ALDH1A2: variants seen among roughly 807,000 people sequenced by gnomAD.
The protein encoded by ALDH1A2 is aldehyde dehydrogenase 1 family member A2.
In ALDH1A2, 27 loss-of-function variants were observed where a neutral mutation model predicts 60.3. The observed-to-expected ratio is 0.45, with a 90% CI of 0.33 to 0.62. The LOEUF (loss-of-function observed/expected upper bound fraction) is 0.62, where lower values mean the gene tolerates loss of function less well. Ranked by LOEUF, ALDH1A2 falls within the 20% of genes least tolerant of loss-of-function variation. ALDH1A2 has a pLI of 0.02. For missense variants in ALDH1A2, 581 were observed against 643.8 expected (o/e 0.90, Z 1.06); for synonymous variants, 289 against 232.4 (o/e 1.24, Z -2.21).
In ALDH1A2 at chr15:57,955,243, G is replaced by C. The variant is rs780804734; in HGVS notation, c.1511C>G (p.Ser504Ter). ...EMGEFGLREY[S>*]EVKTVTVKIP... is the part of the protein sequence containing the mutation. Reference sequence around the variant, plus strand: ...CTTTACTGTCACCGTCTTAACTTCTGAGTACTCCCGCAAGCCAAATTCTCC... The same window carrying C: ...CTTTACTGTCACCGTCTTAACTTCTCAGTACTCCCGCAAGCCAAATTCTCC... Residue 504 changes from serine (S) to a stop codon, truncating the protein, a stop_gained, in exon 13 of 13, where the codon TCA becomes TGA. Transcript: ENST00000249750. LOFTEE classifies it high-confidence loss of function. The C allele has an allele frequency of 6.2e-7, 1 of 1,614,056 alleles. No individual in the cohort carries two copies. Among genetic ancestry groups the C allele is most frequent in the Admixed American group, 1.7e-5 (1 of 60,018 alleles).
At chr15:57,963,291 T>C (rs1893787468) in intron 9 of ALDH1A2, among the ~76,000 whole-genome samples, 1 of 152,026 alleles carries the variant, frequency 6.6e-6, no homozygotes, top group Non-Finnish European at 1.5e-5. Flanking sequence ...CTTGTCATAC[T>C]CATGGCTTTC....
At chr15:57,994,110 G>A (rs1397553222) in intron 5 of ALDH1A2, among the ~76,000 whole-genome samples, 2 of 152,166 alleles carry the variant, frequency 1.3e-5, no homozygotes, top group African/African-American at 4.8e-5. Context: ...TTGAGAGTCT[G>A]GGCAAGGGCA....
intron 9 of ALDH1A2, among the ~76,000 whole-genome samples, chr15:57,963,598 C>A (rs1325204390): frequency 6.6e-6 from 1 of 152,106 alleles, no homozygotes; most frequent in Non-Finnish European, 1.5e-5. Context: ...CCGCCTCGGC[C>A]TCCCTAAAAG....
intron 5 of ALDH1A2, among the ~76,000 whole-genome samples, chr15:57,994,465 T>G (rs1894988234): frequency 6.6e-6 from 1 of 152,184 alleles, no homozygotes; most frequent in Non-Finnish European, 1.5e-5. Flanking sequence ...AAAGCTATGG[T>G]CATGTTTTGT....
intron 7 of ALDH1A2, among the ~76,000 whole-genome samples, chr15:57,976,670 G>A (rs1894269491): frequency 6.6e-6 from 1 of 152,114 alleles, no homozygotes; most frequent in Admixed American, 6.6e-5. Context: ...ATCATCGATG[G>A]GCATCTGGGT....
rs201613405 is a variant in ALDH1A2, at chr15:58,053,063, T to A, written c.117+12471A>T. ...ACGAAGATGTATGGACCACACTCTG[T>A]GTCAAGGCAGCCATGATACCGGCTC... On this transcript the variant is annotated intron_variant, in intron 1 of 12. Coordinates refer to ENST00000249750, the MANE Select transcript of ALDH1A2 (RefSeq NM_003888.4). 5.3e-5 allele frequency among the ~76,000 whole-genome samples: 8 copies of A among 152,262 alleles called. No individual in the cohort carries two copies. In the East Asian group the frequency reaches 1.4e-3, roughly 26 times the overall value.
rs1894857837 is a variant in ALDH1A2, at chr15:57,990,529, A to T, written c.798+2176T>A. On this transcript the variant is annotated intron_variant, in intron 7 of 12. Transcript: ENST00000249750. ...TGCCGGAGATGTAGGTACTAACATG[A>T]CAAGGTGTTATCTCTTGTTTGACAT... is the stretch of plus-strand genomic sequence containing the variant. The T allele has an allele frequency of 2.0e-5, 3 of 152,224 alleles. No homozygotes were observed. In the South Asian group the frequency reaches 6.2e-4, roughly 32 times the overall value. The allele number at this position is 152,224 out of a possible 1,614,324, so 9.4% of individuals were successfully genotyped here.
intron 1 of ALDH1A2, among the ~76,000 whole-genome samples, chr15:58,031,115 G>A (rs1283416997): frequency 5.3e-5 from 8 of 150,910 alleles, no homozygotes; most frequent in African/African-American, 1.9e-4. Flanking sequence ...CATGCTACCT[G>A]ACTTCAAGGC....
rs375988934 is a variant in ALDH1A2, at chr15:57,961,183, T to C, written c.1363A>G (p.Asn455Asp). 6.2e-6 allele frequency: 10 copies of C among 1,614,058 alleles called. No homozygotes were observed. The African/African-American group carries it at 1.3e-4, about 22-fold the overall frequency. Residue 455 changes from asparagine to aspartate, a missense_variant, in exon 11 of 13, where the codon AAC becomes GAC. Coordinates refer to ENST00000249750, the MANE Select transcript of ALDH1A2 (RefSeq NM_003888.4). ...LVAAVFTNDI[N>D]KALTVSSAMQ... ...GCAGAAGACACTGTGAGGGCCTTGT[T>C]GATGTCATTAGTAAAGACAGCTGCT...
intron 12 of ALDH1A2, among the ~76,000 whole-genome samples, chr15:57,955,688 T>C (rs1422875500): frequency 6.6e-6 from 1 of 152,086 alleles, no homozygotes; most frequent in African/African-American, 2.4e-5. Context: ...GCCTTGGCCA[T>C]GCCTCTCTCC....
At chr15:58,034,004 AGTTT>A (rs1438647987) in intron 1 of ALDH1A2, among the ~76,000 whole-genome samples, 1 of 151,590 alleles carries the variant, frequency 6.6e-6, no homozygotes, top group African/African-American at 2.4e-5. Flanking sequence ...CTTTATAATT[AGTTT>A]GTTAATATCT....
intron 4 of ALDH1A2, among the ~76,000 whole-genome samples, chr15:58,003,334 C>T (rs1895338773): frequency 1.3e-5 from 2 of 151,834 alleles, no homozygotes; most frequent in African/African-American, 4.8e-5. Flanking sequence ...AAGAATACTT[C>T]AGATTTCACC....
intron 7 of ALDH1A2, among the ~76,000 whole-genome samples, chr15:57,968,013 T>C (rs927889669): frequency 3.3e-5 from 5 of 152,182 alleles, no homozygotes; most frequent in African/African-American, 1.2e-4. Flanking sequence ...AGCAATCCTC[T>C]GACTTACTGC....
chr15:57,961,299 A>G lies in ALDH1A2; in HGVS notation c.1252-5T>C. On this transcript the variant is annotated splice_polypyrimidine_tract_variant and splice_region_variant and intron_variant, in intron 10 of 12. Transcript: ENST00000249750. ...TTCCTGAACAGGGCCAAAGATCTGC[A>G]AAAAGATAATATGACTCAACATGGT... 1.9e-6 allele frequency: 3 copies of G among 1,613,674 alleles called. No individual in the cohort carries two copies. Among genetic ancestry groups the G allele is most frequent in the Non-Finnish European group, 2.5e-6 (3 of 1,179,956 alleles).
intron 7 of ALDH1A2, among the ~76,000 whole-genome samples, chr15:57,972,888 C>A (rs1307183216): frequency 1.3e-5 from 2 of 152,072 alleles, no homozygotes; most frequent in African/African-American, 4.8e-5. Flanking sequence ...CCTCCCCTAA[C>A]CTAAAATGAG....
intron 1 of ALDH1A2, among the ~76,000 whole-genome samples, chr15:58,024,079 G>C (rs185053075): frequency 2.0e-3 from 305 of 152,072 alleles, no homozygotes; most frequent in African/African-American, 6.9e-3. Context: ...GGCAACAAAA[G>C]CAAAATTCCA....
Position 58,006,068 on chromosome 15 carries a change from T to C in ALDH1A2, c.493+4581A>G, listed in dbSNP as rs570952988. On this transcript the variant is annotated intron_variant, in intron 4 of 12. Coordinates refer to ENST00000249750, the MANE Select transcript of ALDH1A2 (RefSeq NM_003888.4). ...ATAGTTTTGGGAGTACAGGTGGTGTTTGGTTACATGAATAAGTTCTTTAGC... is the reference window on the plus strand; with the variant it reads ...ATAGTTTTGGGAGTACAGGTGGTGTCTGGTTACATGAATAAGTTCTTTAGC... 4.2e-4 allele frequency among the ~76,000 whole-genome samples: 64 copies of C among 151,894 alleles called. 2 individuals carry two copies. In the South Asian group the frequency reaches 0.011, roughly 27 times the overall value.
intron 1 of ALDH1A2, among the ~76,000 whole-genome samples, chr15:58,056,378 G>C (rs186436020): frequency 3.3e-5 from 5 of 152,076 alleles, no homozygotes; most frequent in Non-Finnish European, 1.5e-5. Context: ...AATATTGTTT[G>C]ACTTTCCAAT....
In ALDH1A2 at chr15:57,962,034, T is replaced by C. The variant is rs773013581; in HGVS notation, c.1229A>G (p.Asp410Gly). 6.2e-7 allele frequency: 1 copy of C among 1,614,164 alleles called. No individual in the cohort carries two copies. The highest frequency in any genetic ancestry group is 8.5e-7 in the Non-Finnish European group (1 of 1,180,008). The change falls in exon 10 of 13, where the codon GAT becomes GGT. Residue 410 changes from aspartate to glycine, a missense_variant. By Grantham distance (94) the Asp-to-Gly change is moderately conservative. Around this residue, in one of 2 missense-constraint regions of ALDH1A2, gnomAD observed 375 missense variants for 469.7 expected, o/e 0.80. Coordinates refer to ENST00000249750, the MANE Select transcript of ALDH1A2 (RefSeq NM_003888.4). ...TACCTCCTCCTTGGCAATCCGCATA[T>C]CATCAGTGACGTTGGAAAACACTGT... ...EPTVFSNVTDDMRIAKEEIFG... is the reference protein window; with the variant it reads ...EPTVFSNVTDGMRIAKEEIFG...
Sources: allele counts gnomAD v4.1 joint callset (sites outside exome capture counted in the v4.1 genomes callset), GRCh38; gene constraint gnomAD v4.1.1; regional missense constraint gnomAD v4.1.1; transcripts MANE v1.5; gene names NCBI Gene and HGNC (gene_info 2026-07-23, HGNC 2026-07-21).